Variants in MTR observed in about 807,000 individuals in gnomAD.
The protein encoded by MTR is methionine synthase.
A neutral mutation model predicts 154.8 loss-of-function variants in MTR; 84 were observed. The observed-to-expected ratio is 0.54, with a 90% CI of 0.45 to 0.65. The LOEUF (loss-of-function observed/expected upper bound fraction) is 0.65. Among genes scored for constraint, MTR ranks in the 30% least tolerant of loss-of-function variants. The probability of loss-of-function intolerance (pLI) is 0.00; values close to 1 mark genes in which losing one functional copy is unlikely to be tolerated. For synonymous variants in MTR, 554 were observed against 553.9 expected (o/e 1.00, Z 0.00); for missense variants, 1,275 against 1,570.2 (o/e 0.81, Z 3.18).
At chr1:236,806,265 T>A (rs1660978227) in intron 3 of MTR, 32 bp downstream of exon 3, 1 of 1,566,542 alleles carries the variant, frequency 6.4e-7, no homozygotes, top group Non-Finnish European at 8.8e-7. Context: ...GTGTCTAAGA[T>A]GCTTACGAGC....
At chr1:236,860,360 CA>C (rs1664464969) in intron 19 of MTR, among the ~76,000 whole-genome samples, 1 of 151,536 alleles carries the variant, frequency 6.6e-6, no homozygotes, top group Non-Finnish European at 1.5e-5. Context: ...CTCTTGGCTT[CA>C]GTTTCCTCAT....
intron 1 of MTR, 140 bp downstream of exon 1, chr1:236,795,877 T>C (rs1660350815): frequency 7.5e-7 from 1 of 1,333,772 alleles, no homozygotes; most frequent in African/African-American, 1.5e-5. Flanking sequence ...CCTTTAGAAC[T>C]TAGCGCAGGA....
At chr1:236,819,638 G>A in intron 8 of MTR, 3 of 540,876 alleles carry the variant, frequency 5.5e-6, no homozygotes, top group East Asian at 4.4e-5. Context: ...CTTTCACAAT[G>A]TCCAGAGCCC....
At chr1:236,824,030 G>A in intron 8 of MTR, 89 bp from the exon 9 acceptor site, 1 of 1,126,944 alleles carries the variant, frequency 8.9e-7, no homozygotes, top group Non-Finnish European at 1.3e-6. Context: ...TATCCACTTG[G>A]TTTTAGATAT....
chr1:236,894,823 T>C (rs1256198995), intron 30 of MTR: 6 of 505,124 alleles, frequency 1.2e-5, no homozygotes, highest in Admixed American at 3.5e-5. Flanking sequence ...CTCTACCTTA[T>C]CTCTGTTGTC....
chr1:236,857,110 C>T lies in MTR; in HGVS notation c.1954-2723C>T, dbSNP rs578193837. Among the ~76,000 whole-genome samples the T allele has an allele frequency of 3.0e-4, 45 of 152,252 alleles. 1 individual carries two copies. Among genetic ancestry groups the T allele is most frequent in the Admixed American group, 1.6e-3 (25 of 15,298 alleles). ...AGATCCTTGAGGAATCGCTGCACTG[C>T]CTTCCACAATGGTAGAACTAATTTA... On this transcript the variant is annotated intron_variant, in intron 18 of 32. Transcript: ENST00000366577.
intron 11 of MTR, among the ~76,000 whole-genome samples, chr1:236,827,904 A>G (rs1446356414): frequency 6.6e-6 from 1 of 152,102 alleles, no homozygotes; most frequent in Non-Finnish European, 1.5e-5. Context: ...CATGTGTGTC[A>G]TATGTTCACT....
At chr1:236,880,907 AAGATCTATTC>A (rs1665697038) in intron 25 of MTR, 71 bp downstream of exon 25, 9 of 1,396,902 alleles carry the variant, frequency 6.4e-6, no homozygotes, top group Non-Finnish European at 9.1e-6. Flanking sequence ...GGTTTAACTT[AAGATCTATTC>A]ATTTTTATTC....
intron 30 of MTR, 163 bp from the exon 31 acceptor site, chr1:236,895,195 A>G: frequency 1.2e-6 from 1 of 831,052 alleles, no homozygotes; most frequent in Admixed American, 2.1e-5. Context: ...ATGAAAGTAC[A>G]AACCAATCAA....
At chr1:236,863,270 C>T (rs1438163138) in intron 21 of MTR, among the ~76,000 whole-genome samples, 184 bp from the exon 22 acceptor site, 1 of 152,242 alleles carries the variant, frequency 6.6e-6, no homozygotes, top group East Asian at 1.9e-4. Context: ...GGCTGAAGCC[C>T]CTTGGGCTAG....
At chr1:236,871,046 G>C (rs975946357) in intron 22 of MTR, among the ~76,000 whole-genome samples, 1 of 152,086 alleles carries the variant, frequency 6.6e-6, no homozygotes, top group Non-Finnish European at 1.5e-5. Context: ...AAGTAAATCT[G>C]TTAAATCTAA....
At chr1:236,865,336 A>AC (rs1483623083) in intron 22 of MTR, among the ~76,000 whole-genome samples, 1 of 152,252 alleles carries the variant, frequency 6.6e-6, no homozygotes, top group Non-Finnish European at 1.5e-5. Context: ...TGTGTGTGAT[A>AC]ACACATAGAC....
chr1:236,892,519 C>G (rs12066434), intron 29 of MTR, among the ~76,000 whole-genome samples: 10,776 of 152,068 alleles, frequency 0.071, 1,079 homozygotes, highest in African/African-American at 0.21. Flanking sequence ...GCATTTTAAT[C>G]CCAACCACAA....
In MTR at chr1:236,861,643, G is replaced by C. The variant is rs963458266; in HGVS notation, c.2196+366G>C. Among the ~76,000 whole-genome samples, 7 of 152,258 alleles carry C rather than the reference G, an allele frequency of 4.6e-5. No individual in the cohort carries two copies. The South Asian group carries it at 1.2e-3, about 27-fold the overall frequency. Reference sequence around the variant, plus strand: ...TGACCAGGCACTGTTCATCTGTAAGGATGCATATTTTGAGACAAATGTTAC... The same window carrying C: ...TGACCAGGCACTGTTCATCTGTAAGCATGCATATTTTGAGACAAATGTTAC... On this transcript the variant is annotated intron_variant, in intron 20 of 32. Transcript: ENST00000366577.
chr1:236,852,949 C>A lies in MTR; in HGVS notation c.1814C>A (p.Ser605Tyr), dbSNP rs1664000310. Reference protein sequence around the residue: ...HGVFLYHAIKSGMDMGIVNAG... With the variant: ...HGVFLYHAIKYGMDMGIVNAG... ...CATTTTTATTTGTATTGCCCTTAGTCTGGCATGGACATGGGGATAGTGAAT... is the reference window on the plus strand; with the variant it reads ...CATTTTTATTTGTATTGCCCTTAGTATGGCATGGACATGGGGATAGTGAAT... The change falls in exon 18 of 33, where the codon TCT (serine) becomes TAT (tyrosine). Residue 605 changes from serine to tyrosine, a missense_variant and splice_region_variant. Transcript: ENST00000366577. 1 of 1,613,804 alleles carries A rather than the reference C, an allele frequency of 6.2e-7. No individual in the cohort carries two copies. Among genetic ancestry groups the A allele is most frequent in the African/African-American group, 1.3e-5 (1 of 74,878 alleles).
At position 236,886,292 on chromosome 1, in the gene MTR, G is replaced by T. The variant is rs1464185474; in HGVS notation, c.2776G>T (p.Glu926Ter). ...IRQDHYESLK[E>*]RRYLPLSQAR... Reference sequence around the variant, plus strand: ...CTAATTTTTCTTTGTTTTTTAACAGGAGAGGAGATACTTACCCTTAAGTCA... The same window carrying T: ...CTAATTTTTCTTTGTTTTTTAACAGTAGAGGAGATACTTACCCTTAAGTCA... Residue 926 changes from glutamate to a stop codon, truncating the protein, a stop_gained and splice_region_variant, in exon 27 of 33, where the codon GAG becomes TAG. Transcript: ENST00000366577. LOFTEE classifies it high-confidence loss of function. The T allele has an allele frequency of 6.2e-7, 1 of 1,613,800 alleles. No individual in the cohort carries two copies. Among genetic ancestry groups the T allele is most frequent in the Non-Finnish European group, 8.5e-7 (1 of 1,179,880 alleles).
intron 1 of MTR, chr1:236,800,571 G>T: frequency 3.7e-6 from 3 of 804,198 alleles, no homozygotes; most frequent in Non-Finnish European, 4.5e-6. Flanking sequence ...TCACTCGACT[G>T]TTAGAAGACA....
At chr1:236,828,227 T>C (rs987169692) in intron 11 of MTR, among the ~76,000 whole-genome samples, 1 of 152,204 alleles carries the variant, frequency 6.6e-6, no homozygotes, top group African/African-American at 2.4e-5. Context: ...TCCGCTCACC[T>C]TGGCCTCCCA....
In MTR at chr1:236,894,255, G is replaced by C. The variant is rs1666493949; in HGVS notation, c.3205-102G>C. 4.4e-6 allele frequency: 5 copies of C among 1,139,462 alleles called. 1 individual carries two copies. In the South Asian group the frequency reaches 5.1e-5, roughly 12 times the overall value. The allele number at this position is 1,139,462 out of a possible 1,614,324, so 70.6% of individuals were successfully genotyped here. On this transcript the variant is annotated intron_variant, in intron 29 of 32. Coordinates refer to ENST00000366577, the MANE Select transcript of MTR (RefSeq NM_000254.3). ...CAGGCTGCCATCTGTGCGTTGTGAA[G>C]CTTATTCTCATTTGACGATACCCGA...
Sources: gnomAD v4.1 joint callset for allele counts (sites outside exome capture counted in the v4.1 genomes callset) on GRCh38, gnomAD v4.1.1 for gene constraint, MANE v1.5 for transcripts, NCBI Gene and HGNC (gene_info 2026-07-23, HGNC 2026-07-21) for gene names.